SLC46A2: variants seen among roughly 807,000 people sequenced by gnomAD.
The protein encoded by SLC46A2 is thymic stromal co-transporter.
Under a neutral mutation model 33.1 loss-of-function variants are expected in SLC46A2, and 25 were observed. That is an observed-to-expected ratio of 0.76 (90% CI 0.55 to 1.06). The LOEUF (loss-of-function observed/expected upper bound fraction) is 1.06, where lower values mean the gene tolerates loss of function less well. SLC46A2 is among the 50% of genes least tolerant of loss of function. SLC46A2 has a pLI of 0.00. For synonymous variants in SLC46A2, 254 were observed against 275.9 expected (o/e 0.92, Z 0.79); for missense variants, 622 against 621.7 (o/e 1.00, Z 0.00).
rs1587861964 is a variant in SLC46A2 at position 112,890,093 on chromosome 9, G to T, written c.589C>A (p.Gln197Lys). The T allele has an allele frequency of 6.2e-7, 1 of 1,613,596 alleles. No homozygotes were observed. Among genetic ancestry groups the T allele is most frequent in the Non-Finnish European group, 8.5e-7 (1 of 1,179,910 alleles). The change falls in exon 1 of 4, where the codon CAG becomes AAG. Residue 197 changes from glutamine (Q) to lysine (K), a missense_variant. By Grantham distance (53) the Gln-to-Lys change is moderately conservative. Transcript: ENST00000374228. This position sits in a 1 kb window ranked among gnomAD's most constrained non-coding sequence, Gnocchi z 6.0. ...CCCTGCCCAGAGTGCCCAGCCATCT[G>T]CTTGAAGAGATGCCCGGAAGCCATG... ...GSMASGHLFKQMAGHSGQGLI... is the reference protein window; with the variant it reads ...GSMASGHLFKKMAGHSGQGLI...
At chr9:112,882,095 T>A (rs913643119) in intron 3 of SLC46A2, among the ~76,000 whole-genome samples, 2 of 151,978 alleles carry the variant, frequency 1.3e-5, no homozygotes, top group Non-Finnish European at 2.9e-5. Flanking sequence ...GACATTCATT[T>A]TTTGTTGTTG....
In SLC46A2 at chr9:112,889,816, C is replaced by G; in HGVS notation, c.866G>C (p.Gly289Ala). The G allele has an allele frequency of 6.2e-7, 1 of 1,614,184 alleles. No individual in the cohort carries two copies. Among genetic ancestry groups the G allele is most frequent in the Non-Finnish European group, 8.5e-7 (1 of 1,180,050 alleles). Residue 289 changes from glycine to alanine, a missense_variant, in exon 1 of 4, where the codon GGT becomes GCT. Coordinates refer to ENST00000374228, the MANE Select transcript of SLC46A2 (RefSeq NM_033051.4). Reference protein sequence around the residue: ...HKTTIALLFVGAIIYDLAVVG... With the variant: ...HKTTIALLFVAAIIYDLAVVG... The stretch of plus-strand genomic sequence containing the variant: ...CACCGCCAGGTCATATATGATAGCA[C>G]CCACAAAGAGCAAGGCAATGGTGGT...
chr9:112,889,774 A>ACGTC lies in SLC46A2; in HGVS notation c.904_907dup (p.Val303GlyfsTer156). On this transcript the variant is annotated frameshift_variant, in exon 1 of 4. Coordinates refer to ENST00000374228, the MANE Select transcript of SLC46A2 (RefSeq NM_033051.4). LOFTEE classifies it high-confidence loss of function. ...CTCCCTCAGCACAAAAAGAGGGATC[A>ACGTC]CGTCCACTGTGCCCACCACCGCCAG... The ACGTC allele has an allele frequency of 6.2e-7, 1 of 1,614,140 alleles. No individual in the cohort carries two copies. The highest frequency in any genetic ancestry group is 8.5e-7 in the Non-Finnish European group (1 of 1,180,036).
chr9:112,883,914 C>T (rs1841613942), intron 3 of SLC46A2, among the ~76,000 whole-genome samples: 1 of 152,156 alleles, frequency 6.6e-6, no homozygotes, highest in Admixed American at 6.5e-5. Context: ...CCAGGCTGGT[C>T]TCAAACTCCT....
At chr9:112,880,078 C>G (rs1370480131) in intron 3 of SLC46A2, 1 of 348,190 alleles carries the variant, frequency 2.9e-6, no homozygotes, top group East Asian at 4.5e-5. Context: ...TGCCTGTAAT[C>G]CCAACAGTTT....
intron 1 of SLC46A2, among the ~76,000 whole-genome samples, chr9:112,888,981 CT>C (rs1841685757): frequency 6.6e-6 from 1 of 151,646 alleles, no homozygotes; most frequent in Admixed American, 6.6e-5. Context: ...ACCGCTGCCT[CT>C]TGGGTTCAAG....
intron 3 of SLC46A2, among the ~76,000 whole-genome samples, chr9:112,884,409 C>G (rs1450348176): frequency 6.6e-6 from 1 of 152,208 alleles, no homozygotes; most frequent in African/African-American, 2.4e-5. Context: ...GATGGTACAG[C>G]CTTGGCCCCT....
Position 112,879,625 on chromosome 9 carries a change from A to G in SLC46A2, c.*137T>C. The stretch of plus-strand genomic sequence containing the variant: ...AGGGATCCCTGAGCCAGAGCAGGTC[A>G]TTCTGAGGCCAACTCTGGCTGGAAC... On this transcript the variant is annotated 3_prime_UTR_variant, in exon 4 of 4. Transcript: ENST00000374228. 2.7e-6 allele frequency: 2 copies of G among 738,442 alleles called. No individual in the cohort carries two copies. Among genetic ancestry groups the G allele is most frequent in the Non-Finnish European group, 4.5e-6 (2 of 441,242 alleles). 45.7% of individuals were successfully genotyped at this position (738,442 alleles called of 1,614,324 possible).
At chr9:112,881,061 C>T (rs939165778) in intron 3 of SLC46A2, among the ~76,000 whole-genome samples, 5 of 152,326 alleles carry the variant, frequency 3.3e-5, no homozygotes, top group Admixed American at 2.6e-4. Context: ...GCTGCCTCAT[C>T]GTCTGCCTTT....
chr9:112,887,941 G>A (rs1841665246), intron 1 of SLC46A2, among the ~76,000 whole-genome samples: 2 of 144,096 alleles, frequency 1.4e-5, no homozygotes, highest in African/African-American at 5.4e-5. Flanking sequence ...GTGTGTGTGT[G>A]TGTGTGAGAG....
intron 3 of SLC46A2, among the ~76,000 whole-genome samples, chr9:112,883,182 G>A (rs1841602203): frequency 1.3e-5 from 2 of 152,162 alleles, no homozygotes; most frequent in African/African-American, 4.8e-5. Flanking sequence ...ATGGGAGTGG[G>A]GGAGTGAGAC....
chr9:112,883,488 G>A (rs1474113042), intron 3 of SLC46A2, among the ~76,000 whole-genome samples: 4 of 151,908 alleles, frequency 2.6e-5, no homozygotes, highest in Middle Eastern at 6.8e-3. Context: ...GAGAATAATA[G>A]TAATTACCAT....
chr9:112,888,872 CGT>C (rs1491235333), intron 1 of SLC46A2, among the ~76,000 whole-genome samples: 47 of 63,824 alleles, frequency 7.4e-4, no homozygotes, highest in African/African-American at 6.0e-3. Context: ...CACTCCTCCA[CGT>C]TTTTTTTTTT....
At chr9:112,883,353 T>C (rs1841605168) in intron 3 of SLC46A2, among the ~76,000 whole-genome samples, 1 of 152,148 alleles carries the variant, frequency 6.6e-6, no homozygotes, top group Non-Finnish European at 1.5e-5. Context: ...CCAGGTGCAA[T>C]GCATGTAGTG....
Position 112,888,094 on chromosome 9 carries a change from A to G in SLC46A2, c.1130-681T>C, listed in dbSNP as rs186066877. 6.2e-3 allele frequency among the ~76,000 whole-genome samples: 949 copies of G among 152,288 alleles called. 30 individuals are homozygous for G. Among genetic ancestry groups the G allele is most frequent in the Middle Eastern group, 0.061 (18 of 294 alleles). On this transcript the variant is annotated intron_variant, in intron 1 of 3. Coordinates refer to ENST00000374228, the MANE Select transcript of SLC46A2 (RefSeq NM_033051.4). The stretch of plus-strand genomic sequence containing the variant: ...GGAGTTCGAGACCAGCCTGAACAAC[A>G]TGGTGAAACCCTGTCTCTACTAGAA...
intron 2 of SLC46A2, 110 bp from the exon 3 acceptor site, chr9:112,886,726 C>G: frequency 8.9e-7 from 1 of 1,122,812 alleles, no homozygotes; most frequent in African/African-American, 1.6e-5. Flanking sequence ...TACTCTCTCT[C>G]TCTCTCTCTT....
intron 3 of SLC46A2, 52 bp downstream of exon 3, chr9:112,886,408 G>T: frequency 6.3e-7 from 1 of 1,596,200 alleles, no homozygotes; most frequent in East Asian, 2.2e-5. Flanking sequence ...AACATTCCTT[G>T]ACCTAAGCAT....
At chr9:112,880,281 A>C (rs1841560721) in intron 3 of SLC46A2, 2 of 138,474 alleles carry the variant, frequency 1.4e-5, no homozygotes, top group African/African-American at 5.3e-5. Flanking sequence ...CAGTGAGCCA[A>C]GATTGCGCCA....
At chr9:112,885,195 G>C (rs1189129707) in intron 3 of SLC46A2, 1 of 151,976 alleles carries the variant, frequency 6.6e-6, no homozygotes, top group Non-Finnish European at 1.5e-5. Context: ...GACGGCTCTT[G>C]TCCTAGGAAG....
Sources: gnomAD v4.1 joint callset for allele counts (sites outside exome capture counted in the v4.1 genomes callset) on GRCh38, gnomAD v4.1.1 for gene constraint, Gnocchi (gnomAD v3.1) non-coding constraint, MANE v1.5 for transcripts, NCBI Gene and HGNC (gene_info 2026-07-23, HGNC 2026-07-21) for gene names.